Variants in PTPRD observed in about 807,000 individuals in gnomAD.
PTPRD encodes receptor-type tyrosine-protein phosphatase delta.
A neutral mutation model predicts 214.5 loss-of-function variants in PTPRD; 34 were observed. That is an observed-to-expected ratio of 0.16 (90% CI 0.12 to 0.21). The LOEUF is 0.21. PTPRD is among the 10% of genes least tolerant of loss of function. The pLI is 1.00. For synonymous variants in PTPRD, 1,128 were observed against 845.7 expected (o/e 1.33, Z -5.79); for missense variants, 2,545 against 2,398.7 (o/e 1.06, Z -1.27).
chr9:8,520,555 C>T (rs2097867175), intron 20 of PTPRD, among the ~76,000 whole-genome samples: 2 of 151,948 alleles, frequency 1.3e-5, no homozygotes, highest in African/African-American at 2.4e-5. Context: ...CTTAAGTTGC[C>T]CTATGTCTGA....
intron 6 of PTPRD, among the ~76,000 whole-genome samples, chr9:9,742,883 T>C (rs1418504960): frequency 6.6e-6 from 1 of 152,184 alleles, no homozygotes; most frequent in Non-Finnish European, 1.5e-5. Context: ...TTTATTGTTG[T>C]TATGCATACT....
chr9:9,063,421 T>C (rs1383997744), intron 10 of PTPRD, among the ~76,000 whole-genome samples: 1 of 152,180 alleles, frequency 6.6e-6, no homozygotes, highest in Admixed American at 6.5e-5. Flanking sequence ...GATTTAGCCC[T>C]CACAGGTGAC....
At chr9:10,326,002 T>A (rs772990324) in intron 3 of PTPRD, among the ~76,000 whole-genome samples, 6 of 151,866 alleles carry the variant, frequency 4.0e-5, no homozygotes, top group Non-Finnish European at 8.8e-5. Flanking sequence ...TCTGAGCAAG[T>A]ATCTAAAAAG....
intron 10 of PTPRD, among the ~76,000 whole-genome samples, chr9:9,068,034 C>T (rs2099737662): frequency 6.6e-6 from 1 of 152,174 alleles, no homozygotes; most frequent in South Asian, 2.1e-4. Flanking sequence ...CTCTGTTCTC[C>T]ACATCTATAA....
intron 4 of PTPRD, among the ~76,000 whole-genome samples, chr9:9,946,311 G>C (rs184395367): frequency 2.4e-4 from 37 of 152,212 alleles, no homozygotes; most frequent in Admixed American, 1.3e-3. Context: ...AAAATGTGTG[G>C]ACAATTAATC....
chr9:9,704,245 T>C (rs1028014125), intron 7 of PTPRD, among the ~76,000 whole-genome samples: 14 of 151,798 alleles, frequency 9.2e-5, no homozygotes, highest in African/African-American at 3.4e-4. Context: ...TCAAATCGCA[T>C]TCTTCTTTTT....
At chr9:10,114,802 A>T (rs1198594162) in intron 3 of PTPRD, among the ~76,000 whole-genome samples, 2 of 152,038 alleles carry the variant, frequency 1.3e-5, no homozygotes, top group Non-Finnish European at 2.9e-5. Context: ...TTAATAATAC[A>T]TGTTCTTAAA....
chr9:10,554,074 T>C (rs183391256), intron 2 of PTPRD, among the ~76,000 whole-genome samples: 3 of 152,310 alleles, frequency 2.0e-5, no homozygotes, highest in Admixed American at 2.0e-4. Flanking sequence ...CATTTCTTAA[T>C]CTCTTAATCC....
intron 10 of PTPRD, among the ~76,000 whole-genome samples, chr9:9,066,602 G>C (rs1004829163): frequency 2.0e-5 from 3 of 152,116 alleles, no homozygotes; most frequent in African/African-American, 7.2e-5. Flanking sequence ...AACTTGAGAG[G>C]GGGGAGATTA....
intron 3 of PTPRD, among the ~76,000 whole-genome samples, chr9:10,335,638 G>A (rs1263877344): frequency 6.6e-6 from 1 of 151,574 alleles, no homozygotes; most frequent in Non-Finnish European, 1.5e-5. Context: ...AAAAGACACT[G>A]TCAAGAGAAT....
chr9:9,794,676 A>G (rs1015108687), intron 5 of PTPRD, among the ~76,000 whole-genome samples: 1 of 152,202 alleles, frequency 6.6e-6, no homozygotes, highest in African/African-American at 2.4e-5. Flanking sequence ...GCCCTGAAAT[A>G]TAAGAATTAC....
intron 35 of PTPRD, among the ~76,000 whole-genome samples, chr9:8,413,510 A>C (rs1234747050): frequency 6.6e-6 from 1 of 152,188 alleles, no homozygotes; most frequent in Non-Finnish European, 1.5e-5. Flanking sequence ...AAATGTATTT[A>C]GTACAACTAT....
chr9:9,446,808 A>T (rs540537783), intron 8 of PTPRD, among the ~76,000 whole-genome samples: 8 of 152,314 alleles, frequency 5.3e-5, no homozygotes, highest in Middle Eastern at 3.4e-3. Context: ...GAACTTAAAC[A>T]CATTTACAAT....
intron 8 of PTPRD, among the ~76,000 whole-genome samples, chr9:9,436,931 T>C (rs1019161105): frequency 5.3e-5 from 8 of 151,564 alleles, no homozygotes; most frequent in African/African-American, 9.7e-5. Context: ...CCCATGGCAA[T>C]AGTATGAATA....
intron 2 of PTPRD, among the ~76,000 whole-genome samples, chr9:10,468,321 TA>T (rs1161886214): frequency 3.9e-5 from 6 of 152,014 alleles, no homozygotes; most frequent in South Asian, 2.1e-4. Flanking sequence ...TATGCAGCCA[TA>T]AAAAAGGATG....
intron 2 of PTPRD, among the ~76,000 whole-genome samples, chr9:10,516,109 G>C (rs1168712870): frequency 6.6e-6 from 1 of 151,814 alleles, no homozygotes; most frequent in Non-Finnish European, 1.5e-5. Context: ...GGATTGATGG[G>C]TCATATGGTA....
chr9:9,044,097 C>A (rs529228536), intron 10 of PTPRD, among the ~76,000 whole-genome samples: 5 of 152,118 alleles, frequency 3.3e-5, no homozygotes, highest in African/African-American at 1.2e-4. Context: ...CCTTAAACTT[C>A]CACAAAGACA....
At chr9:9,075,679 T>A (rs2099749999) in intron 10 of PTPRD, among the ~76,000 whole-genome samples, 1 of 152,100 alleles carries the variant, frequency 6.6e-6, no homozygotes, top group Non-Finnish European at 1.5e-5. Flanking sequence ...TCTGTCCTTG[T>A]GATGGTTTGC....
intron 9 of PTPRD, among the ~76,000 whole-genome samples, chr9:9,286,948 G>T (rs1949662467): frequency 8.0e-6 from 1 of 125,420 alleles, no homozygotes; most frequent in Admixed American, 8.6e-5. Flanking sequence ...GTCTTTGGCT[G>T]GGCATAGTGG....
Sources: gnomAD v4.1 joint callset for allele counts (sites outside exome capture counted in the v4.1 genomes callset) on GRCh38, gnomAD v4.1.1 for gene constraint, MANE v1.5 for transcripts, NCBI Gene and HGNC (gene_info 2026-07-23, HGNC 2026-07-21) for gene names.